Variants in RORA observed in about 807,000 individuals in gnomAD.
The protein encoded by RORA is nuclear receptor ROR-alpha.
A neutral mutation model predicts 69.5 loss-of-function variants in RORA; 7 were observed. That is an observed-to-expected ratio of 0.10 (90% CI 0.06 to 0.19). The LOEUF is 0.19. Among genes scored for constraint, RORA ranks in the 10% least tolerant of loss-of-function variants. RORA has a pLI of 1.00. For missense variants in RORA, 457 were observed against 663.0 expected (o/e 0.69, Z 3.41); for synonymous variants, 261 against 240.8 (o/e 1.08, Z -0.78).
At chr15:60,629,113 T>C (rs1371129414) in intron 2 of RORA, among the ~76,000 whole-genome samples, 2 of 151,904 alleles carry the variant, frequency 1.3e-5, no homozygotes, top group African/African-American at 4.8e-5. Context: ...AGGCTCCACC[T>C]GCCACTCTGT....
chr15:60,717,148 G>A (rs955392060), intron 1 of RORA, among the ~76,000 whole-genome samples: 4 of 152,166 alleles, frequency 2.6e-5, no homozygotes, highest in African/African-American at 9.7e-5. Flanking sequence ...AGAATTGAAT[G>A]GAAGGGTACC....
chr15:61,068,326 T>C lies in RORA; in HGVS notation c.166+160727A>G, dbSNP rs191230866. The stretch of plus-strand genomic sequence containing the variant: ...CTAACCAATGCTTAACGGTGTGCAC[T>C]GTCTATAGTTCTCCATTCAGAGAAG... On this transcript the variant is annotated intron_variant, in intron 1 of 10. Coordinates refer to ENST00000335670, the MANE Select transcript of RORA (RefSeq NM_134261.3). 4.6e-3 allele frequency among the ~76,000 whole-genome samples: 695 copies of C among 152,320 alleles called. 3 individuals carry two copies. The highest frequency in any genetic ancestry group is 6.8e-3 in the Non-Finnish European group (464 of 68,028).
chr15:61,153,843 T>TG (rs201393607), intron 1 of RORA, among the ~76,000 whole-genome samples: 2,447 of 152,308 alleles, frequency 0.016, 42 homozygotes, highest in Non-Finnish European at 0.026. Flanking sequence ...CACAATGACA[T>TG]GGAGGCCCAG....
At chr15:60,936,719 T>C (rs1892534016) in intron 1 of RORA, among the ~76,000 whole-genome samples, 1 of 152,208 alleles carries the variant, frequency 6.6e-6, no homozygotes, top group African/African-American at 2.4e-5. Flanking sequence ...ATACTTCATC[T>C]TTTCCTGTGT....
chr15:60,657,059 T>C (rs2070231542), intron 2 of RORA, among the ~76,000 whole-genome samples: 1 of 152,204 alleles, frequency 6.6e-6, no homozygotes, highest in African/African-American at 2.4e-5. Flanking sequence ...GCTTGCAGAA[T>C]TGGCTATGTG....
chr15:61,042,808 C>G (rs760719471), intron 1 of RORA, among the ~76,000 whole-genome samples: 5 of 152,210 alleles, frequency 3.3e-5, no homozygotes, highest in Admixed American at 6.5e-5. Flanking sequence ...TGGAGAAATT[C>G]AAACTTGCAG....
intron 1 of RORA, among the ~76,000 whole-genome samples, chr15:60,986,222 C>T (rs1051363471): frequency 6.6e-6 from 1 of 150,694 alleles, no homozygotes; most frequent in Non-Finnish European, 1.5e-5. Flanking sequence ...CAACCTCCAC[C>T]TTCTAGGTTC....
intron 2 of RORA, among the ~76,000 whole-genome samples, chr15:60,595,949 G>T (rs2068657399): frequency 6.6e-6 from 1 of 152,182 alleles, no homozygotes; most frequent in Non-Finnish European, 1.5e-5. Flanking sequence ...AAAGTAGAGA[G>T]ACACTTCTAA....
At chr15:61,068,427 C>T (rs183437792) in intron 1 of RORA, among the ~76,000 whole-genome samples, 3 of 152,252 alleles carry the variant, frequency 2.0e-5, no homozygotes, top group East Asian at 1.9e-4. Flanking sequence ...TCTGATATTA[C>T]GGTCATTAAC....
chr15:61,193,474 C>T (rs1295515977), intron 1 of RORA, among the ~76,000 whole-genome samples: 1 of 152,096 alleles, frequency 6.6e-6, no homozygotes, highest in Non-Finnish European at 1.5e-5. Flanking sequence ...AGAGGAACTG[C>T]CTGTGAATAG....
chr15:60,891,668 C>G (rs2073814206), intron 1 of RORA, among the ~76,000 whole-genome samples: 1 of 152,230 alleles, frequency 6.6e-6, no homozygotes, highest in South Asian at 2.1e-4. Flanking sequence ...CCACTCTGCT[C>G]TGGCCTCTGC....
At chr15:60,515,983 A>ATATATT (rs1567051085) in intron 3 of RORA, among the ~76,000 whole-genome samples, 1 of 7,428 alleles carries the variant, frequency 1.3e-4, no homozygotes, top group Non-Finnish European at 3.1e-4. Context: ...TTATATATTT[A>ATATATT]TATATATTTA....
At chr15:61,199,622 T>C (rs571589503) in intron 1 of RORA, among the ~76,000 whole-genome samples, 1 of 152,280 alleles carries the variant, frequency 6.6e-6, no homozygotes, top group South Asian at 2.1e-4. Flanking sequence ...TGCAAAGCCA[T>C]TCAAAACCAT....
Position 60,491,083 on chromosome 15 carries a change from A to C in RORA, c.*6372T>G, listed in dbSNP as rs2065033043. 6.6e-6 allele frequency: 1 copy of C among 152,200 alleles called. No individual in the cohort carries two copies. The highest frequency in any genetic ancestry group is 6.5e-5 in the Admixed American group (1 of 15,272). 9.4% of individuals were successfully genotyped at this position (152,200 alleles called of 1,614,324 possible). A position where few individuals can be genotyped will look rare whatever the true frequency, so the allele number is the denominator to read the frequency against. ...TGAGATTTCAAACTGTGTGGATAAC[A>C]GGAGAATTTTGGATTCAGGAAGATG... On this transcript the variant is annotated 3_prime_UTR_variant, in exon 11 of 11. Coordinates refer to ENST00000335670, the MANE Select transcript of RORA (RefSeq NM_134261.3).
intron 1 of RORA, among the ~76,000 whole-genome samples, chr15:61,067,943 AGAT>A (rs2078288004): frequency 6.6e-6 from 1 of 152,240 alleles, no homozygotes; most frequent in African/African-American, 2.4e-5. Context: ...GTCTAGCTGT[AGAT>A]GATATTATGA....
chr15:61,076,898 A>G (rs1480690758), intron 1 of RORA, among the ~76,000 whole-genome samples: 1 of 151,096 alleles, frequency 6.6e-6, no homozygotes. Context: ...AATAATGATC[A>G]TTTTTCACTC....
chr15:60,791,184 G>A (rs1273411766), intron 1 of RORA, among the ~76,000 whole-genome samples: 4 of 152,204 alleles, frequency 2.6e-5, no homozygotes, highest in African/African-American at 9.6e-5. Context: ...GTTACTACTT[G>A]GGCAAGTCAC....
At chr15:60,820,360 G>C (rs1272222352) in intron 1 of RORA, among the ~76,000 whole-genome samples, 1 of 152,142 alleles carries the variant, frequency 6.6e-6, no homozygotes, top group Non-Finnish European at 1.5e-5. Flanking sequence ...TGTCTTTCAA[G>C]GGGTTGAAAG....
At chr15:60,796,862 A>G (rs1247952331) in intron 1 of RORA, among the ~76,000 whole-genome samples, 1 of 152,036 alleles carries the variant, frequency 6.6e-6, no homozygotes, top group Non-Finnish European at 1.5e-5. Context: ...CACAAAAAAA[A>G]GAATAAAGGA....
Sources: gnomAD v4.1 joint callset for allele counts (sites outside exome capture counted in the v4.1 genomes callset) on GRCh38, gnomAD v4.1.1 for gene constraint, MANE v1.5 for transcripts, NCBI Gene and HGNC (gene_info 2026-07-23, HGNC 2026-07-21) for gene names.